The following RBFOX1 variants were observed in gnomAD, a reference collection of about 807,000 sequenced individuals.
The protein encoded by RBFOX1 is RNA binding protein fox-1 homolog 1.
In RBFOX1, 8 loss-of-function variants were observed where a neutral mutation model predicts 57.7. The observed-to-expected ratio is 0.14, with a 90% CI of 0.08 to 0.25. The LOEUF is 0.25. Ranked by LOEUF, RBFOX1 falls within the 10% of genes least tolerant of loss-of-function variation. The probability of loss-of-function intolerance (pLI) is 1.00; values close to 1 mark genes in which losing one functional copy is unlikely to be tolerated. For synonymous variants in RBFOX1, 326 were observed against 222.4 expected, an observed-to-expected ratio of 1.47 and a Z score of -4.15; for missense variants, 611 against 548.5, an observed-to-expected ratio of 1.11 and a Z score of -1.14.
chr16:6,675,980 G>A (rs891494643), intron 3 of RBFOX1, among the ~76,000 whole-genome samples: 13 of 152,052 alleles, frequency 8.5e-5, no homozygotes, highest in Non-Finnish European at 1.9e-4. Flanking sequence ...AGCTTTACGT[G>A]GACACCAAGG....
chr16:6,732,985 T>C (rs189639210), intron 3 of RBFOX1, among the ~76,000 whole-genome samples: 44 of 152,354 alleles, frequency 2.9e-4, no homozygotes, highest in African/African-American at 9.6e-4. Flanking sequence ...GAAGGAATTA[T>C]AATTTCTTTA....
intron 2 of RBFOX1, among the ~76,000 whole-genome samples, chr16:6,499,929 C>T (rs958130176): frequency 6.6e-6 from 1 of 152,142 alleles, no homozygotes; most frequent in African/African-American, 2.4e-5. Context: ...TGAACAAGTT[C>T]TGTTTTGAGA....
At chr16:6,871,072 A>G (rs1289549616) in intron 3 of RBFOX1, among the ~76,000 whole-genome samples, 1 of 152,248 alleles carries the variant, frequency 6.6e-6, no homozygotes, top group Non-Finnish European at 1.5e-5. Flanking sequence ...AGTCTTAGGA[A>G]TGGACAAGAT....
chr16:7,430,079 G>A (rs146388991), intron 4 of RBFOX1, among the ~76,000 whole-genome samples: 12 of 152,222 alleles, frequency 7.9e-5, no homozygotes, highest in East Asian at 7.7e-4. Flanking sequence ...ACAAATTGGC[G>A]GAATGAATTG....
At chr16:6,860,091 C>G (rs765819413) in intron 3 of RBFOX1, among the ~76,000 whole-genome samples, 1 of 152,128 alleles carries the variant, frequency 6.6e-6, no homozygotes, top group Non-Finnish European at 1.5e-5. Context: ...GAATTGTGTA[C>G]TATTTTTCCT....
intron 4 of RBFOX1, among the ~76,000 whole-genome samples, chr16:5,905,809 C>T (rs891169735): frequency 8.5e-5 from 13 of 152,180 alleles, no homozygotes; most frequent in Admixed American, 7.9e-4. Flanking sequence ...GGTGAGAAAA[C>T]TGATCCACTC....
chr16:6,770,116 G>T (rs1451081166), intron 3 of RBFOX1, among the ~76,000 whole-genome samples: 1 of 152,202 alleles, frequency 6.6e-6, no homozygotes, highest in Non-Finnish European at 1.5e-5. Context: ...CAAGGAACTT[G>T]TATTAAGCAG....
intron 3 of RBFOX1, among the ~76,000 whole-genome samples, chr16:5,684,472 C>T (rs1299226609): frequency 6.6e-6 from 1 of 152,044 alleles, no homozygotes; most frequent in African/African-American, 2.4e-5. Context: ...CTCTGTAGAG[C>T]CACTGACTGT....
At chr16:5,240,024 C>A in exon 1 of RBFOX1, 1 of 1,530,802 alleles carries the variant, frequency 6.5e-7, no homozygotes. Context: ...GCGCACAGCC[C>A]GAGGACTGCG....
At chr16:7,151,239 A>G (rs1381794471) in intron 4 of RBFOX1, among the ~76,000 whole-genome samples, 1 of 152,220 alleles carries the variant, frequency 6.6e-6, no homozygotes, top group Non-Finnish European at 1.5e-5. Context: ...ATAGAATGGG[A>G]GATGGGCCAC....
intron 3 of RBFOX1, among the ~76,000 whole-genome samples, chr16:6,779,375 C>G (rs1424934377): frequency 6.6e-6 from 1 of 151,864 alleles, no homozygotes; most frequent in Non-Finnish European, 1.5e-5. Flanking sequence ...GAATAATATT[C>G]CATTGTATGT....
chr16:6,995,146 C>T lies in RBFOX1; in HGVS notation c.-15-56911C>T, dbSNP rs116034824. On this transcript the variant is annotated intron_variant, in intron 3 of 15. Transcript: ENST00000550418. ...TCACCTGTAATTTAGGCTAATATCT[C>T]AATTCTCTTGTTATGGACATTTCTC... is the stretch of plus-strand genomic sequence containing the variant. 3.3e-3 allele frequency among the ~76,000 whole-genome samples: 499 copies of T among 152,196 alleles called. 2 individuals carry two copies. The highest frequency in any genetic ancestry group is 0.012 in the African/African-American group (479 of 41,512).
At chr16:6,691,026 G>C (rs553008487) in intron 3 of RBFOX1, among the ~76,000 whole-genome samples, 223 of 152,206 alleles carry the variant, frequency 1.5e-3, no homozygotes, top group Non-Finnish European at 2.6e-3. Context: ...GCAGCTTCCA[G>C]TCATTTTGTT....
At chr16:7,106,414 G>T (rs563718887) in intron 4 of RBFOX1, among the ~76,000 whole-genome samples, 1 of 152,156 alleles carries the variant, frequency 6.6e-6, no homozygotes, top group African/African-American at 2.4e-5. Context: ...TCTTCATTTT[G>T]TATTTCTTGT....
At chr16:6,358,748 A>G (rs1315434044) in intron 2 of RBFOX1, among the ~76,000 whole-genome samples, 1 of 152,202 alleles carries the variant, frequency 6.6e-6, no homozygotes, top group Non-Finnish European at 1.5e-5. Context: ...GGGTTTACAG[A>G]GTCCAGAGCT....
chr16:5,688,797 A>G (rs1401499673), intron 3 of RBFOX1, among the ~76,000 whole-genome samples: 1 of 152,250 alleles, frequency 6.6e-6, no homozygotes, highest in Non-Finnish European at 1.5e-5. Flanking sequence ...AACTTGAGAA[A>G]GTGGAATGGA....
chr16:5,285,171 C>G (rs1162271821), intron 1 of RBFOX1, among the ~76,000 whole-genome samples: 1 of 152,104 alleles, frequency 6.6e-6, no homozygotes, highest in African/African-American at 2.4e-5. Flanking sequence ...TTTTGTCTGA[C>G]TGGATTATTT....
intron 4 of RBFOX1, among the ~76,000 whole-genome samples, chr16:7,447,155 T>G (rs993435273): frequency 6.6e-6 from 1 of 151,732 alleles, no homozygotes; most frequent in African/African-American, 2.4e-5. Context: ...CTTACAGAAT[T>G]TGGGAGCCCT....
intron 3 of RBFOX1, among the ~76,000 whole-genome samples, chr16:6,720,117 A>G (rs561999521): frequency 6.6e-6 from 1 of 152,178 alleles, no homozygotes; most frequent in Admixed American, 6.5e-5. Context: ...AAATAAATAA[A>G]TAAATAACAA....
Sources: allele counts gnomAD v4.1 joint callset (sites outside exome capture counted in the v4.1 genomes callset), GRCh38; gene constraint gnomAD v4.1.1; transcripts MANE v1.5; gene names NCBI Gene and HGNC (gene_info 2026-07-23, HGNC 2026-07-21).